THRAP3: variants seen among roughly 807,000 people sequenced by gnomAD.
The protein encoded by THRAP3 is thyroid hormone receptor associated protein 3.
In THRAP3, 16 loss-of-function variants were observed where a neutral mutation model predicts 101.0. The observed-to-expected ratio is 0.16, with a 90% CI of 0.11 to 0.24. The LOEUF (loss-of-function observed/expected upper bound fraction) is 0.24. Among genes scored for constraint, THRAP3 ranks in the 10% least tolerant of loss-of-function variants. The probability of loss-of-function intolerance (pLI) is 1.00; values close to 1 mark genes in which losing one functional copy is unlikely to be tolerated. For synonymous variants in THRAP3, 407 were observed against 422.6 expected (o/e 0.96, Z 0.45); for missense variants, 989 against 1,202.7 (o/e 0.82, Z 2.63).
chr1:36,297,736 C>T (rs918395789), intron 9 of THRAP3, among the ~76,000 whole-genome samples: 2 of 151,726 alleles, frequency 1.3e-5, no homozygotes, highest in Non-Finnish European at 2.9e-5. Flanking sequence ...AGCCACCATG[C>T]CTGGCCGCGT....
At chr1:36,292,300 C>G (rs182954447) in intron 6 of THRAP3, among the ~76,000 whole-genome samples, 1 of 69,102 alleles carries the variant, frequency 1.4e-5, no homozygotes, top group Non-Finnish European at 2.7e-5. Flanking sequence ...GAGACGGAGT[C>G]TTGCTCTGTT....
intron 2 of THRAP3, among the ~76,000 whole-genome samples, chr1:36,271,390 C>A (rs1645589340): frequency 6.6e-6 from 1 of 152,084 alleles, no homozygotes; most frequent in African/African-American, 2.4e-5. Context: ...TCAAGCGATT[C>A]TCCCGCCTCA....
At chr1:36,284,086 A>G (rs987086248) in intron 3 of THRAP3, among the ~76,000 whole-genome samples, 2 of 152,232 alleles carry the variant, frequency 1.3e-5, no homozygotes, top group African/African-American at 4.8e-5. Flanking sequence ...AATTTAATCT[A>G]GTAACTAGAA....
rs55705007 is a variant in THRAP3 at position 36,295,545 on chromosome 1, T to TTTCCTTCCTTCCTTCCTTCC, written c.2116-1025_2116-1006dup. Among the ~76,000 whole-genome samples the TTTCCTTCCTTCCTTCCTTCC allele has an allele frequency of 4.4e-3, 642 of 145,510 alleles. 7 individuals are homozygous for TTTCCTTCCTTCCTTCCTTCC. Among genetic ancestry groups the TTTCCTTCCTTCCTTCCTTCC allele is most frequent in the African/African-American group, 0.012 (479 of 38,444 alleles). Reference sequence around the variant, plus strand: ...GCTTAGGAAGCCAGCAGAGAAGTTTTTTCCTTCCTTCCTTCCTTCCTTCCT... The same window carrying TTTCCTTCCTTCCTTCCTTCC: ...GCTTAGGAAGCCAGCAGAGAAGTTTTTTCCTTCCTTCCTTCCTTCCTTCCTTCCTTCCTTCCTTCCTTCCT... On this transcript the variant is annotated intron_variant, in intron 8 of 11. Coordinates refer to ENST00000354618, the MANE Select transcript of THRAP3 (RefSeq NM_005119.4).
At chr1:36,258,156 T>A (rs934613369) in intron 1 of THRAP3, among the ~76,000 whole-genome samples, 1 of 152,142 alleles carries the variant, frequency 6.6e-6, no homozygotes, top group African/African-American at 2.4e-5. Context: ...GGTTGTTTTT[T>A]AAATTCAACA....
At chr1:36,255,037 G>A (rs564915330) in intron 1 of THRAP3, among the ~76,000 whole-genome samples, 51 of 152,098 alleles carry the variant, frequency 3.4e-4, no homozygotes, top group Non-Finnish European at 4.9e-4. Flanking sequence ...ACAGTTTTCT[G>A]TGGTAAAAAC....
At chr1:36,224,417 G>C (rs1644934298), upstream of THRAP3, 1 of 153,058 alleles carries the variant, frequency 6.5e-6, no homozygotes, top group Non-Finnish European at 1.5e-5. Context: ...TCGGAGAGCG[G>C]AGACGCTGGG....
chr1:36,283,488 T>C (rs1457820097), intron 3 of THRAP3, among the ~76,000 whole-genome samples: 1 of 152,226 alleles, frequency 6.6e-6, no homozygotes, highest in Non-Finnish European at 1.5e-5. Context: ...AGTTTCTATA[T>C]GTGAGTTTGG....
chr1:36,278,718 T>C (rs1166494515), intron 2 of THRAP3, among the ~76,000 whole-genome samples: 2 of 152,014 alleles, frequency 1.3e-5, no homozygotes, highest in African/African-American at 4.8e-5. Context: ...AGTCAGGAGA[T>C]CGAGACCATC....
intron 1 of THRAP3, among the ~76,000 whole-genome samples, chr1:36,229,154 A>G (rs1030748883): frequency 6.6e-6 from 1 of 151,892 alleles, no homozygotes; most frequent in Non-Finnish European, 1.5e-5. Flanking sequence ...TTGGAGTGCA[A>G]TGGTGCGATC....
intron 2 of THRAP3, among the ~76,000 whole-genome samples, chr1:36,270,788 G>C (rs1433403820): frequency 1.3e-5 from 2 of 151,848 alleles, no homozygotes; most frequent in Non-Finnish European, 2.9e-5. Context: ...CGTTGGTCAG[G>C]CCGGTCTCCG....
chr1:36,290,810 C>T (rs1445215133), intron 5 of THRAP3, among the ~76,000 whole-genome samples: 2 of 152,162 alleles, frequency 1.3e-5, no homozygotes, highest in Non-Finnish European at 2.9e-5. Flanking sequence ...CCCTTGTCCC[C>T]TGAACTTTAG....
intron 9 of THRAP3, among the ~76,000 whole-genome samples, chr1:36,299,793 G>A (rs911426921): frequency 1.3e-5 from 2 of 152,306 alleles, no homozygotes; most frequent in South Asian, 2.1e-4. Flanking sequence ...ACAGGAGAGA[G>A]CCACTACGCC....
chr1:36,226,650 C>T (rs1644965569), intron 1 of THRAP3, among the ~76,000 whole-genome samples: 1 of 152,186 alleles, frequency 6.6e-6, no homozygotes, highest in Non-Finnish European at 1.5e-5. Flanking sequence ...ATCCTGAATG[C>T]AAGGAAGTCT....
chr1:36,245,525 G>A (rs1403997961), intron 1 of THRAP3, among the ~76,000 whole-genome samples: 1 of 152,138 alleles, frequency 6.6e-6, no homozygotes, highest in Non-Finnish European at 1.5e-5. Context: ...TATGATAGGT[G>A]CATGTCTTGC....
chr1:36,300,053 G>T (rs561090186), intron 9 of THRAP3, among the ~76,000 whole-genome samples: 1 of 152,246 alleles, frequency 6.6e-6, no homozygotes, highest in South Asian at 2.1e-4. Context: ...TGGCCTTGCT[G>T]CCCCCTAGAG....
At chr1:36,218,905 C>T in the THRAP3 span, among the ~76,000 whole-genome samples, 3 of 151,278 alleles carry the variant, frequency 2.0e-5, no homozygotes, top group African/African-American at 4.9e-5. Context: ...CAGTGGCGGG[C>T]GCCTGCAATC....
At chr1:36,290,094 G>T (rs890786698) in intron 5 of THRAP3, among the ~76,000 whole-genome samples, 1 of 152,062 alleles carries the variant, frequency 6.6e-6, no homozygotes, top group African/African-American at 2.4e-5. Context: ...CCACTTCTTC[G>T]TTCCTAGCTG....
At chr1:36,295,590 T>C (rs1422300654) in intron 8 of THRAP3, among the ~76,000 whole-genome samples, 9 of 141,098 alleles carry the variant, frequency 6.4e-5, no homozygotes, top group Non-Finnish European at 9.2e-5. Context: ...CCTCCCTTCC[T>C]TCCTCCCTCC....
Sources: gnomAD v4.1 joint callset for allele counts (sites outside exome capture counted in the v4.1 genomes callset) on GRCh38, gnomAD v4.1.1 for gene constraint, MANE v1.5 for transcripts, NCBI Gene and HGNC (gene_info 2026-07-23, HGNC 2026-07-21) for gene names.